The following ZNF385B variants were observed in gnomAD, a reference collection of about 807,000 sequenced individuals.
The protein encoded by ZNF385B is zinc finger protein 533.
A neutral mutation model predicts 39.2 loss-of-function variants in ZNF385B; 23 were observed. The ratio of observed to expected loss-of-function variants is 0.59; its 90% CI spans 0.42 to 0.83. The LOEUF (loss-of-function observed/expected upper bound fraction) is 0.83. ZNF385B is among the 40% of genes least tolerant of loss of function. ZNF385B has a pLI of 0.00. For synonymous variants in ZNF385B, 205 were observed against 222.6 expected (o/e 0.92, Z 0.70); for missense variants, 552 against 598.9 (o/e 0.92, Z 0.82).
chr2:179,445,064 C>T, intron 8 of ZNF385B, 87 bp from the exon 9 acceptor site: 1 of 1,133,234 alleles, frequency 8.8e-7, no homozygotes, highest in South Asian at 1.2e-5. Flanking sequence ...TTCTCCATTG[C>T]CAACTCTAGG....
At chr2:179,477,355 CTG>C (rs2053541482) in intron 6 of ZNF385B, among the ~76,000 whole-genome samples, 1 of 152,186 alleles carries the variant, frequency 6.6e-6, no homozygotes, top group Non-Finnish European at 1.5e-5. Flanking sequence ...GATAACGACT[CTG>C]GGTTTACACC....
chr2:179,808,621 G>C (rs555579934), intron 1 of ZNF385B, among the ~76,000 whole-genome samples: 19 of 152,292 alleles, frequency 1.2e-4, no homozygotes, highest in African/African-American at 4.3e-4. Context: ...CAAATGAAGT[G>C]TGGTAAAACA....
intron 3 of ZNF385B, among the ~76,000 whole-genome samples, chr2:179,685,418 A>G (rs888299350): frequency 2.0e-5 from 3 of 152,214 alleles, no homozygotes; most frequent in African/African-American, 2.4e-5. Flanking sequence ...GTTAACAATT[A>G]AAAGGCCAAA....
chr2:179,551,420 C>G (rs2060559479), intron 3 of ZNF385B, among the ~76,000 whole-genome samples: 1 of 149,726 alleles, frequency 6.7e-6, no homozygotes, highest in African/African-American at 2.5e-5. Flanking sequence ...CTGATAAGAC[C>G]CTGAAAAACG....
chr2:179,685,421 A>C (rs1443870826), intron 3 of ZNF385B, among the ~76,000 whole-genome samples: 1 of 152,210 alleles, frequency 6.6e-6, no homozygotes, highest in Non-Finnish European at 1.5e-5. Context: ...AACAATTAAA[A>C]GGCCAAAGGA....
intron 3 of ZNF385B, among the ~76,000 whole-genome samples, chr2:179,765,859 A>G (rs574381562): frequency 2.0e-5 from 3 of 152,248 alleles, no homozygotes; most frequent in Admixed American, 1.3e-4. Context: ...TGGGGAAAGC[A>G]TTAGGGATCT....
intron 5 of ZNF385B, among the ~76,000 whole-genome samples, chr2:179,494,703 G>T (rs2056009733): frequency 6.6e-6 from 1 of 151,410 alleles, no homozygotes; most frequent in Non-Finnish European, 1.5e-5. Flanking sequence ...GCAACCAGTT[G>T]TTATCACTTT....
At chr2:179,852,997 C>T (rs896461490) in intron 1 of ZNF385B, among the ~76,000 whole-genome samples, 1 of 152,142 alleles carries the variant, frequency 6.6e-6, no homozygotes, top group Non-Finnish European at 1.5e-5. Flanking sequence ...AAATATTTTA[C>T]TCCTATGAAA....
intron 3 of ZNF385B, among the ~76,000 whole-genome samples, chr2:179,555,603 A>G (rs1296232156): frequency 1.3e-5 from 2 of 149,534 alleles, no homozygotes; most frequent in East Asian, 1.9e-4. Context: ...TCAAGTTTGT[A>G]TAATTTTAGG....
At chr2:179,696,326 C>CTATTTTTTTTTTTTTT (rs1698742555) in intron 3 of ZNF385B, among the ~76,000 whole-genome samples, 1 of 40,354 alleles carries the variant, frequency 2.5e-5, no homozygotes, top group African/African-American at 1.0e-4. Context: ...CAAACTGGGA[C>CTATTTTTTTTTTTTTT]TTTTTTTTTT....
intron 3 of ZNF385B, among the ~76,000 whole-genome samples, chr2:179,588,805 A>G (rs943415429): frequency 3.9e-5 from 6 of 152,120 alleles, no homozygotes; most frequent in African/African-American, 1.2e-4. Context: ...CCCACCATCA[A>G]TGGTGGTGAG....
intron 1 of ZNF385B, among the ~76,000 whole-genome samples, chr2:179,794,317 T>C (rs547675049): frequency 6.8e-4 from 104 of 152,316 alleles, no homozygotes; most frequent in Non-Finnish European, 1.1e-3. Flanking sequence ...TATGCACCCA[T>C]ACCTGTGTTG....
At chr2:179,467,025 T>C (rs2052123551) in intron 6 of ZNF385B, among the ~76,000 whole-genome samples, 1 of 150,928 alleles carries the variant, frequency 6.6e-6, no homozygotes, top group Non-Finnish European at 1.5e-5. Flanking sequence ...TCCTGTGGCA[T>C]TATTTAATTT....
intron 3 of ZNF385B, among the ~76,000 whole-genome samples, chr2:179,639,469 A>G (rs765494891): frequency 3.3e-5 from 5 of 152,152 alleles, no homozygotes; most frequent in Non-Finnish European, 5.9e-5. Flanking sequence ...AGTGTGATTT[A>G]ATCATTTCAC....
At chr2:179,729,253 G>T (rs531502243) in intron 3 of ZNF385B, among the ~76,000 whole-genome samples, 1 of 151,972 alleles carries the variant, frequency 6.6e-6, no homozygotes, top group South Asian at 2.1e-4. Context: ...ACGAAACACA[G>T]TTAGAGCTGA....
At chr2:179,492,703 G>A (rs1302228676) in intron 5 of ZNF385B, among the ~76,000 whole-genome samples, 1 of 151,964 alleles carries the variant, frequency 6.6e-6, no homozygotes, top group Non-Finnish European at 1.5e-5. Flanking sequence ...CACAAAACAG[G>A]TTTTTGTAAA....
chr2:179,811,002 A>G (rs1026221693), intron 1 of ZNF385B, among the ~76,000 whole-genome samples: 2 of 152,126 alleles, frequency 1.3e-5, no homozygotes, highest in Admixed American at 1.3e-4. Flanking sequence ...TAGCATTTCT[A>G]TACATCAATA....
chr2:179,493,581 ATG>A (rs1169525465), intron 5 of ZNF385B, among the ~76,000 whole-genome samples: 2 of 148,882 alleles, frequency 1.3e-5, no homozygotes, highest in African/African-American at 4.9e-5. Context: ...ACATATGTGT[ATG>A]TGTACATATA....
chr2:179,667,023 C>T (rs1695247678), intron 3 of ZNF385B, among the ~76,000 whole-genome samples: 1 of 152,118 alleles, frequency 6.6e-6, no homozygotes, highest in Non-Finnish European at 1.5e-5. Flanking sequence ...TAACAACTTG[C>T]ATAATAAAAT....
Sources: allele counts gnomAD v4.1 joint callset (sites outside exome capture counted in the v4.1 genomes callset), GRCh38; gene constraint gnomAD v4.1.1; transcripts MANE v1.5; gene names NCBI Gene and HGNC (gene_info 2026-07-23, HGNC 2026-07-21).